The following TMEM132D variants were observed in gnomAD, a reference collection of about 807,000 sequenced individuals.
TMEM132D encodes the protein transmembrane protein 132D, also known as mature OL transmembrane protein.
In TMEM132D, 21 loss-of-function variants were observed where a neutral mutation model predicts 62.3. The ratio of observed to expected loss-of-function variants is 0.34; its 90% CI spans 0.24 to 0.49. The LOEUF (loss-of-function observed/expected upper bound fraction) is 0.49. Among genes scored for constraint, TMEM132D ranks in the 20% least tolerant of loss-of-function variants. TMEM132D has a pLI of 0.99. For missense variants in TMEM132D, 1,346 were observed against 1,402.8 expected (o/e 0.96, Z 0.65); for synonymous variants, 621 against 575.6 (o/e 1.08, Z -1.13).
At chr12:129,396,626 A>G (rs1428800401) in intron 3 of TMEM132D, among the ~76,000 whole-genome samples, 1 of 152,200 alleles carries the variant, frequency 6.6e-6, no homozygotes, top group Non-Finnish European at 1.5e-5. Context: ...CATGGAGAAT[A>G]GACATGCTTT....
Position 129,075,143 on chromosome 12 carries a change from C to T in TMEM132D, c.2116-84G>A. ...TCTTAGTACAGTAGACACACAACGGCAAAACTATTGCTACAAGAACAAAGA... is the reference window on the plus strand; with the variant it reads ...TCTTAGTACAGTAGACACACAACGGTAAAACTATTGCTACAAGAACAAAGA... On this transcript the variant is annotated intron_variant, in intron 8 of 8. Coordinates refer to ENST00000422113, the MANE Select transcript of TMEM132D (RefSeq NM_133448.3). 6 of 1,077,708 alleles carry T rather than the reference C, an allele frequency of 5.6e-6. No individual in the cohort carries two copies. The South Asian group carries it at 7.9e-5, about 14-fold the overall frequency. The allele number at this position is 1,077,708 out of a possible 1,614,324, so 66.8% of individuals were successfully genotyped here.
chr12:129,567,035 C>A (rs1354577249), intron 2 of TMEM132D, among the ~76,000 whole-genome samples: 1 of 152,160 alleles, frequency 6.6e-6, no homozygotes, highest in Admixed American at 6.6e-5. Context: ...CGTATAAAAC[C>A]AGCTTGTAGC....
At chr12:129,540,812 C>A (rs992755452) in intron 2 of TMEM132D, among the ~76,000 whole-genome samples, 3 of 152,068 alleles carry the variant, frequency 2.0e-5, no homozygotes, top group African/African-American at 4.8e-5. Flanking sequence ...ACTTTAATTT[C>A]TTTGCAAAGA....
intron 2 of TMEM132D, among the ~76,000 whole-genome samples, chr12:129,695,809 G>A (rs866797561): frequency 5.9e-5 from 9 of 152,334 alleles, no homozygotes; most frequent in Middle Eastern, 6.8e-3. Flanking sequence ...CTGTGAGGGC[G>A]GGAGAGAGTT....
At chr12:129,373,733 G>A (rs1456812780) in intron 3 of TMEM132D, among the ~76,000 whole-genome samples, 1 of 152,178 alleles carries the variant, frequency 6.6e-6, no homozygotes, top group Non-Finnish European at 1.5e-5. Context: ...TCCTTCTTAT[G>A]TTCAGTGGTT....
chr12:129,266,648 G>T (rs962931311), intron 4 of TMEM132D, among the ~76,000 whole-genome samples: 1 of 142,258 alleles, frequency 7.0e-6, no homozygotes, highest in African/African-American at 2.6e-5. Flanking sequence ...TCTCACCAGT[G>T]ACCTCATCCA....
At chr12:129,581,698 T>C (rs1436619801) in intron 2 of TMEM132D, among the ~76,000 whole-genome samples, 1 of 152,186 alleles carries the variant, frequency 6.6e-6, no homozygotes, top group East Asian at 1.9e-4. Context: ...GCTGATTGGA[T>C]GGTGTCACCC....
chr12:129,835,816 A>T (rs186626292), intron 1 of TMEM132D, among the ~76,000 whole-genome samples: 129 of 152,276 alleles, frequency 8.5e-4, no homozygotes, highest in African/African-American at 3.0e-3. Flanking sequence ...CACTCTGAGC[A>T]GAAATGATCC....
intron 1 of TMEM132D, among the ~76,000 whole-genome samples, chr12:129,833,504 A>G (rs1029836194): frequency 1.3e-5 from 2 of 152,170 alleles, no homozygotes; most frequent in African/African-American, 2.4e-5. Flanking sequence ...GTGCACCTGT[A>G]GTCCCAGCTA....
chr12:129,819,035 GA>G (rs894716747), intron 1 of TMEM132D, among the ~76,000 whole-genome samples: 3 of 145,408 alleles, frequency 2.1e-5, no homozygotes, highest in Non-Finnish European at 3.0e-5. Context: ...ACTCTGTCTC[GA>G]AAAAAAAAAG....
intron 1 of TMEM132D, among the ~76,000 whole-genome samples, chr12:129,776,465 C>G (rs1870925891): frequency 1.3e-5 from 2 of 152,042 alleles, no homozygotes; most frequent in Non-Finnish European, 1.5e-5. Flanking sequence ...CACCCTTACC[C>G]CAATTTCCCA....
At chr12:129,847,863 C>A (rs142797243) in intron 1 of TMEM132D, among the ~76,000 whole-genome samples, 1 of 152,028 alleles carries the variant, frequency 6.6e-6, no homozygotes, top group Non-Finnish European at 1.5e-5. Context: ...AAGGTTGCCA[C>A]GGGAGAAGCT....
In TMEM132D at chr12:129,699,671, G is replaced by C. The variant is rs1391472292; in HGVS notation, c.968+139C>G. 6 of 1,009,422 alleles carry C rather than the reference G, an allele frequency of 5.9e-6. No individual in the cohort carries two copies. In the South Asian group the frequency reaches 6.7e-5, roughly 11 times the overall value. 62.5% of individuals were successfully genotyped at this position (1,009,422 alleles called of 1,614,324 possible). A position where few individuals can be genotyped will look rare whatever the true frequency, so the allele number is the denominator to read the frequency against. On this transcript the variant is annotated intron_variant, in intron 2 of 8. Transcript: ENST00000422113. ...GATCAGACTGGTCTCTGTATTCCACGGTGCAGATGGAGTTTGTAAGAACGG... is the reference window on the plus strand; with the variant it reads ...GATCAGACTGGTCTCTGTATTCCACCGTGCAGATGGAGTTTGTAAGAACGG...
intron 5 of TMEM132D, among the ~76,000 whole-genome samples, chr12:129,155,422 G>A (rs576555867): frequency 5.4e-4 from 82 of 152,272 alleles, no homozygotes; most frequent in African/African-American, 1.8e-3. Context: ...GAAATGTTGT[G>A]AATATTGTCA....
chr12:129,542,167 C>G (rs1876599501), intron 2 of TMEM132D, among the ~76,000 whole-genome samples: 1 of 152,162 alleles, frequency 6.6e-6, no homozygotes, highest in Non-Finnish European at 1.5e-5. Context: ...TCAGAACACT[C>G]AACTAACTTC....
chr12:129,713,874 G>A lies in TMEM132D; in HGVS notation c.80-13176C>T, dbSNP rs150259854. Among the ~76,000 whole-genome samples the A allele has an allele frequency of 5.3e-5, 8 of 152,310 alleles. No individual in the cohort carries two copies. The East Asian group carries it at 1.2e-3, about 22-fold the overall frequency. ...AATTTGCATTCTAACAAGTGATGCC[G>A]ATGTGGCTGGTCCAGGGACCCTGCT... On this transcript the variant is annotated intron_variant, in intron 1 of 8. Coordinates refer to ENST00000422113, the MANE Select transcript of TMEM132D (RefSeq NM_133448.3).
intron 3 of TMEM132D, among the ~76,000 whole-genome samples, chr12:129,495,462 G>A (rs1185170401): frequency 6.6e-6 from 1 of 152,094 alleles, no homozygotes; most frequent in Non-Finnish European, 1.5e-5. Flanking sequence ...ATTTTCCTAG[G>A]AGCCATGCCC....
At chr12:129,811,871 C>T (rs752715887) in intron 1 of TMEM132D, among the ~76,000 whole-genome samples, 2 of 151,716 alleles carry the variant, frequency 1.3e-5, no homozygotes, top group Non-Finnish European at 2.9e-5. Context: ...CCCCCAACTC[C>T]AAGACACGGG....
At chr12:129,541,058 C>T (rs1297886827) in intron 2 of TMEM132D, among the ~76,000 whole-genome samples, 3 of 152,192 alleles carry the variant, frequency 2.0e-5, no homozygotes, top group South Asian at 2.1e-4. Context: ...GGAGACAGAA[C>T]GCATGCATGC....
Sources: allele counts gnomAD v4.1 joint callset (sites outside exome capture counted in the v4.1 genomes callset), GRCh38; gene constraint gnomAD v4.1.1; transcripts MANE v1.5; gene names NCBI Gene and HGNC (gene_info 2026-07-23, HGNC 2026-07-21).